The following ELK3 variants were observed in gnomAD, a reference collection of about 807,000 sequenced individuals.
ELK3 encodes ETS domain-containing protein Elk-3.
In ELK3, 10 loss-of-function variants were observed where a neutral mutation model predicts 28.9. The observed-to-expected ratio is 0.35, with a 90% CI of 0.21 to 0.59. The LOEUF (loss-of-function observed/expected upper bound fraction) is 0.59, where lower values mean the gene tolerates loss of function less well. ELK3 is among the 20% of genes least tolerant of loss of function. The pLI, the probability that ELK3 is intolerant of heterozygous loss-of-function variation, is 0.82. For missense variants in ELK3, 463 were observed against 517.3 expected, an observed-to-expected ratio of 0.90 and a Z score of 1.02; for synonymous variants, 272 against 243.5, an observed-to-expected ratio of 1.12 and a Z score of -1.09.
At chr12:96,203,723 T>G (rs1351045608) in intron 1 of ELK3, among the ~76,000 whole-genome samples, 1 of 152,138 alleles carries the variant, frequency 6.6e-6, no homozygotes, top group Non-Finnish European at 1.5e-5. Context: ...GGCAGATCAC[T>G]TGAGGTTAGA....
Position 96,223,742 on chromosome 12 carries a change from T to C in ELK3, c.176T>C (p.Leu59Pro). Residue 59 changes from leucine (L) to proline (P), a missense_variant, in exon 2 of 5, where the codon CTG (leucine) becomes CCG (proline). Physicochemically the swap from Leu to Pro is moderately conservative, Grantham distance 98. This residue lies in a region of ELK3 where 55 missense variants were observed against 102.5 expected (regional missense o/e 0.54). Coordinates refer to ENST00000228741, the MANE Select transcript of ELK3 (RefSeq NM_005230.4). The part of the protein sequence containing the change: ...KNKTNMNYDK[L>P]SRALRYYYDK... The stretch of plus-strand genomic sequence containing the variant: ...AAAACAAATATGAACTATGATAAGC[T>C]GAGCAGAGCCCTGCGATACTATTAT... 6.2e-7 allele frequency: 1 copy of C among 1,614,096 alleles called. No individual in the cohort carries two copies. Among genetic ancestry groups the C allele is most frequent in the Non-Finnish European group, 8.5e-7 (1 of 1,180,032 alleles).
intron 1 of ELK3, among the ~76,000 whole-genome samples, chr12:96,218,317 A>G (rs1951635231): frequency 1.3e-5 from 2 of 152,242 alleles, no homozygotes. Context: ...AAGAGCAGCA[A>G]TGCCTTTAAA....
chr12:96,210,971 GTTGA>G (rs1347803497), intron 1 of ELK3, among the ~76,000 whole-genome samples: 3 of 152,212 alleles, frequency 2.0e-5, no homozygotes, highest in Non-Finnish European at 4.4e-5. Flanking sequence ...GCATATGCGC[GTTGA>G]TTAAGAACCT....
At chr12:96,260,130 A>C (rs1299627812) in intron 4 of ELK3, among the ~76,000 whole-genome samples, 1 of 152,156 alleles carries the variant, frequency 6.6e-6, no homozygotes, top group African/African-American at 2.4e-5. Context: ...AAATTTATTA[A>C]GGAAAAGGCA....
chr12:96,222,151 A>AACACAAAT (rs1346762948), intron 1 of ELK3, among the ~76,000 whole-genome samples: 2 of 152,202 alleles, frequency 1.3e-5, no homozygotes, highest in Non-Finnish European at 2.9e-5. Flanking sequence ...GAGGATTGAT[A>AACACAAAT]ACACAAATGG....
chr12:96,248,517 G>A (rs1047877780), intron 3 of ELK3, among the ~76,000 whole-genome samples: 6 of 152,144 alleles, frequency 3.9e-5, no homozygotes, highest in African/African-American at 1.4e-4. Context: ...AAGAGTATTC[G>A]TTTTAGGTTC....
At chr12:96,242,041 T>C (rs949111597) in intron 2 of ELK3, among the ~76,000 whole-genome samples, 2 of 152,186 alleles carry the variant, frequency 1.3e-5, no homozygotes, top group African/African-American at 2.4e-5. Context: ...ACGCTGGAGA[T>C]GCACTCAGCT....
At chr12:96,244,950 C>T (rs1341471395) in intron 2 of ELK3, among the ~76,000 whole-genome samples, 1 of 152,122 alleles carries the variant, frequency 6.6e-6, no homozygotes, top group Non-Finnish European at 1.5e-5. Context: ...CGAGTAGCAG[C>T]GTGAGTGTGA....
chr12:96,244,729 C>T (rs1450089846), intron 2 of ELK3, among the ~76,000 whole-genome samples: 1 of 152,122 alleles, frequency 6.6e-6, no homozygotes, highest in East Asian at 1.9e-4. Context: ...CATTAACACA[C>T]CAGGCCAGCA....
chr12:96,201,411 A>G (rs1049725934), intron 1 of ELK3, among the ~76,000 whole-genome samples: 1 of 151,692 alleles, frequency 6.6e-6, no homozygotes, highest in Non-Finnish European at 1.5e-5. Context: ...ACTTGAGCCC[A>G]GGAGTCTGAG....
chr12:96,213,913 A>T (rs1439078145), intron 1 of ELK3: 1 of 38,184 alleles, frequency 2.6e-5, no homozygotes, highest in Non-Finnish European at 5.0e-5. Context: ...TTTTGTGGGG[A>T]TGGGGGTCTC....
chr12:96,257,744 C>A (rs192206399), intron 3 of ELK3, among the ~76,000 whole-genome samples: 45 of 152,308 alleles, frequency 3.0e-4, no homozygotes. Context: ...GAGCTTGTGG[C>A]CTTGAGCCTA....
intron 1 of ELK3, among the ~76,000 whole-genome samples, chr12:96,211,257 A>G (rs903065315): frequency 3.8e-4 from 58 of 152,180 alleles, no homozygotes; most frequent in African/African-American, 1.4e-3. Context: ...TCAGAATTCC[A>G]TGGGATCTCA....
At chr12:96,261,484 T>C (rs1040220382) in intron 4 of ELK3, among the ~76,000 whole-genome samples, 2 of 152,242 alleles carry the variant, frequency 1.3e-5, no homozygotes, top group African/African-American at 4.8e-5. Context: ...CCTGAAAGTC[T>C]TAAGATTAGA....
At chr12:96,237,708 G>A (rs530911641) in intron 2 of ELK3, among the ~76,000 whole-genome samples, 3 of 152,354 alleles carry the variant, frequency 2.0e-5, no homozygotes, top group Non-Finnish European at 2.9e-5. Context: ...TTGAGCCCAG[G>A]AGCTCCAGGC....
rs754714305 is a variant in ELK3 at position 96,247,167 on chromosome 12, C to T, written c.435C>T (p.Ser145=). 3.7e-6 allele frequency: 6 copies of T among 1,614,096 alleles called. No homozygotes were observed. Among genetic ancestry groups the T allele is most frequent in the Non-Finnish European group, 4.2e-6 (5 of 1,179,980 alleles). Residue 145 remains serine, a synonymous_variant, in exon 3 of 5, where the codon TCC becomes TCT. Transcript: ENST00000228741. This position sits in a 1 kb window ranked among gnomAD's most constrained non-coding sequence, Gnocchi z 5.5. ...ACATCCACTCAGGCCTGTACTCGTC[C>T]TTCACCATTAATTCCCTGCAGAACC... is the stretch of plus-strand genomic sequence containing the variant. The part of the protein sequence containing the change: ...NEYIHSGLYS[S]FTINSLQNPP...
At chr12:96,206,094 C>T (rs1337473028) in intron 1 of ELK3, among the ~76,000 whole-genome samples, 1 of 152,126 alleles carries the variant, frequency 6.6e-6, no homozygotes, top group Admixed American at 6.6e-5. Context: ...GCTTTGATTT[C>T]AATCAGAGCT....
At chr12:96,216,235 T>C (rs911620631) in intron 1 of ELK3, among the ~76,000 whole-genome samples, 2 of 152,144 alleles carry the variant, frequency 1.3e-5, no homozygotes, top group African/African-American at 2.4e-5. Context: ...TTGACTCTCC[T>C]TCCTGCTCCA....
intron 2 of ELK3, among the ~76,000 whole-genome samples, chr12:96,234,276 C>CTGT (rs1951764242): frequency 6.6e-6 from 1 of 152,228 alleles, no homozygotes; most frequent in Admixed American, 6.5e-5. Flanking sequence ...GCCGTCAACA[C>CTGT]TGTGTTGATG....
Sources: gnomAD v4.1 joint callset for allele counts (sites outside exome capture counted in the v4.1 genomes callset) on GRCh38, gnomAD v4.1.1 for gene constraint, gnomAD v4.1.1 regional missense constraint, Gnocchi (gnomAD v3.1) non-coding constraint, MANE v1.5 for transcripts, NCBI Gene and HGNC (gene_info 2026-07-23, HGNC 2026-07-21) for gene names.